The following PRPF18 variants were observed in gnomAD, a reference collection of about 807,000 sequenced individuals.
PRPF18 encodes pre-mRNA-splicing factor 18.
Under a neutral mutation model 46.5 loss-of-function variants are expected in PRPF18, and 38 were observed. That is an observed-to-expected ratio of 0.82 (90% confidence interval 0.63 to 1.07). The LOEUF is 1.07. Ranked by LOEUF, PRPF18 falls within the 50% of genes least tolerant of loss-of-function variation. The pLI, the probability that PRPF18 is intolerant of heterozygous loss-of-function variation, is 0.00. For missense variants in PRPF18, 263 were observed against 410.0 expected, an observed-to-expected ratio of 0.64 and a Z score of 3.10; for synonymous variants, 152 against 146.7, an observed-to-expected ratio of 1.04 and a Z score of -0.26.
At chr10:13,652,078 G>A in the PRPF18 span, 1 of 756,464 alleles carries the variant, frequency 1.3e-6, no homozygotes, top group South Asian at 1.4e-5. Context: ...ATATCCGAAA[G>A]GCTTGCTGAT....
chr10:13,655,699 G>A, the PRPF18 span: 31 of 152,238 alleles, frequency 2.0e-4, no homozygotes, highest in African/African-American at 6.7e-4. Context: ...AGGTCACTCT[G>A]TTTCCCCCGA....
chr10:13,615,708 C>T (rs2080328783), intron 8 of PRPF18, among the ~76,000 whole-genome samples: 1 of 151,878 alleles, frequency 6.6e-6, no homozygotes, highest in Non-Finnish European at 1.5e-5. Context: ...CACAGCTAGC[C>T]AGGCTTGGTT....
At chr10:13,646,997 T>C in the PRPF18 span, 3 of 982,936 alleles carry the variant, frequency 3.1e-6, no homozygotes, top group South Asian at 1.4e-4. Flanking sequence ...TAGTTCTGGA[T>C]AGAGGGAGGA....
intron 9 of PRPF18, among the ~76,000 whole-genome samples, chr10:13,628,422 T>C (rs1047073551): frequency 6.6e-6 from 1 of 152,212 alleles, no homozygotes; most frequent in Non-Finnish European, 1.5e-5. Flanking sequence ...GAAAATGACA[T>C]AGTATTTGCA....
chr10:13,645,918 G>A, the PRPF18 span: 1 of 152,738 alleles, frequency 6.5e-6, no homozygotes, highest in South Asian at 2.1e-4. Context: ...CGCTTTTACT[G>A]GTTGGTTTAA....
chr10:13,599,728 A>G (rs964899313), intron 2 of PRPF18, among the ~76,000 whole-genome samples: 4 of 152,254 alleles, frequency 2.6e-5, no homozygotes, highest in African/African-American at 7.2e-5. Flanking sequence ...CTGTATGTCC[A>G]ACATGATTTT....
intron 2 of PRPF18, among the ~76,000 whole-genome samples, chr10:13,599,757 C>G (rs573390585): frequency 1.3e-5 from 2 of 152,246 alleles, no homozygotes; most frequent in East Asian, 1.9e-4. Context: ...TGGAATAATA[C>G]GTTTTGAAAA....
intron 2 of PRPF18, among the ~76,000 whole-genome samples, chr10:13,598,102 T>C (rs917038609): frequency 2.0e-5 from 3 of 152,190 alleles, no homozygotes; most frequent in Non-Finnish European, 2.9e-5. Flanking sequence ...TTTCAAACAC[T>C]GTTTAGTCTG....
At chr10:13,587,257 G>C in intron 1 of PRPF18, 105 bp downstream of exon 1, 2 of 1,268,476 alleles carry the variant, frequency 1.6e-6, no homozygotes, top group Non-Finnish European at 2.3e-6. Flanking sequence ...GGCGGGGACG[G>C]GGCTTAGCGA....
rs1321600159 is a variant in PRPF18 at position 13,630,342 on chromosome 10, A to C, written c.*2A>C. On this transcript the variant is annotated 3_prime_UTR_variant, in exon 10 of 10. Coordinates refer to ENST00000378572, the MANE Select transcript of PRPF18 (RefSeq NM_003675.4). ...TGTGTGGAGTACAATGCACTGTGAG[A>C]TCTGTGTATGGTGTGTTAATAACAA... 2 of 1,602,440 alleles carry C rather than the reference A, an allele frequency of 1.2e-6. No individual in the cohort carries two copies. The highest frequency in any genetic ancestry group is 2.7e-5 in the African/African-American group (2 of 74,792).
At chr10:13,650,390 G>A in the PRPF18 span, among the ~76,000 whole-genome samples, 2 of 152,124 alleles carry the variant, frequency 1.3e-5, no homozygotes, top group Non-Finnish European at 2.9e-5. Flanking sequence ...GTGTGTCCCT[G>A]CATGTGCACA....
At chr10:13,601,999 T>G (rs1441801820) in intron 3 of PRPF18, among the ~76,000 whole-genome samples, 2 of 152,230 alleles carry the variant, frequency 1.3e-5, no homozygotes, top group Non-Finnish European at 2.9e-5. Context: ...GATAATTTCC[T>G]AGGAAAATAA....
the PRPF18 span, among the ~76,000 whole-genome samples, chr10:13,650,476 C>T: frequency 5.9e-5 from 9 of 152,302 alleles, no homozygotes; most frequent in East Asian, 1.9e-4. Flanking sequence ...ACATTCCCAC[C>T]GCAGCTCTTT....
intron 9 of PRPF18, among the ~76,000 whole-genome samples, chr10:13,618,914 C>T (rs1025787238): frequency 9.2e-5 from 14 of 152,124 alleles, no homozygotes; most frequent in African/African-American, 2.2e-4. Flanking sequence ...TCTAGATCAG[C>T]GGTCCCTGAC....
chr10:13,637,708 A>G, the PRPF18 span: 121,127 of 152,198 alleles, frequency 0.8, 48,514 homozygotes, highest in East Asian at 0.85. Context: ...ATCTTTGCCC[A>G]ATAGATTTTA....
intron 3 of PRPF18, among the ~76,000 whole-genome samples, chr10:13,600,951 T>C (rs916322442): frequency 6.6e-6 from 1 of 152,110 alleles, no homozygotes. Flanking sequence ...TAATTTTTTT[T>C]TGTATTTTTA....
chr10:13,611,512 C>T (rs961177973), intron 5 of PRPF18, 103 bp from the exon 6 acceptor site: 4 of 885,062 alleles, frequency 4.5e-6, no homozygotes, highest in African/African-American at 3.5e-5. Context: ...AAAAATTGAA[C>T]AGCATATGTG....
chr10:13,628,367 C>A (rs1439745954), intron 9 of PRPF18, among the ~76,000 whole-genome samples: 1 of 152,108 alleles, frequency 6.6e-6, no homozygotes, highest in Non-Finnish European at 1.5e-5. Context: ...GGATTGGTTC[C>A]AGGACCCTGC....
At chr10:13,611,821 AT>A in intron 6 of PRPF18, 138 bp downstream of exon 6, 1 of 664,050 alleles carries the variant, frequency 1.5e-6, no homozygotes, top group Non-Finnish European at 2.6e-6. Flanking sequence ...TGTTTATGAT[AT>A]CACTATGCAC....
Sources: allele counts gnomAD v4.1 joint callset (sites outside exome capture counted in the v4.1 genomes callset), GRCh38; gene constraint gnomAD v4.1.1; transcripts MANE v1.5; gene names NCBI Gene and HGNC (gene_info 2026-07-23, HGNC 2026-07-21).